PCLO: variants seen among roughly 807,000 people sequenced by gnomAD.
The protein encoded by PCLO is protein piccolo.
Under a neutral mutation model 427.5 loss-of-function variants are expected in PCLO, and 82 were observed. The observed-to-expected ratio is 0.19, with a 90% CI of 0.16 to 0.23. The LOEUF (loss-of-function observed/expected upper bound fraction) is 0.23. PCLO is among the 10% of genes least tolerant of loss of function. PCLO has a pLI of 1.00. For missense variants in PCLO, 6,239 were observed against 6,115.9 expected, an observed-to-expected ratio of 1.02 and a Z score of -0.67; for synonymous variants, 2,357 against 2,155.4, an observed-to-expected ratio of 1.09 and a Z score of -2.59.
intron 2 of PCLO, among the ~76,000 whole-genome samples, chr7:83,142,135 A>G (rs536336503): frequency 1.3e-4 from 20 of 152,224 alleles, no homozygotes; most frequent in Admixed American, 3.9e-4. Flanking sequence ...TCAACATAAT[A>G]TTCATAATAT....
At chr7:82,820,673 C>A in intron 20 of PCLO, 1 of 1,230,420 alleles carries the variant, frequency 8.1e-7, no homozygotes, top group Non-Finnish European at 1.0e-6. Context: ...TAAGAATTTT[C>A]AAAATCCACT....
chr7:83,127,516 G>A (rs1224066318), intron 3 of PCLO, among the ~76,000 whole-genome samples: 1 of 151,884 alleles, frequency 6.6e-6, no homozygotes, highest in Non-Finnish European at 1.5e-5. Flanking sequence ...ACTACTCTGT[G>A]GATTGTAATA....
In PCLO at chr7:82,915,120, G is replaced by C. The variant is rs929818004; in HGVS notation, c.12866C>G (p.Ser4289Cys). ...ADKPYSSGSR[S>C]RPSSRPSSVY... ...AGAGGAAGGTCTGGAGGAAGGTCTG[G>C]ACCTGCTGCCACTACTGTATGGCTT... Residue 4289 changes from serine (S) to cysteine (C), a missense_variant, in exon 7 of 25, where the codon TCC becomes TGC. Ser to Cys is a moderately radical substitution (Grantham distance 112). This residue lies in a region of PCLO where 680 missense variants were observed against 677.3 expected (regional missense o/e 1.00). Transcript: ENST00000333891. The C allele has an allele frequency of 1.9e-6, 3 of 1,590,200 alleles. No individual in the cohort carries two copies. The African/African-American group carries it at 4.0e-5, about 21-fold the overall frequency.
At chr7:83,040,218 TA>T (rs1274219021) in intron 3 of PCLO, among the ~76,000 whole-genome samples, 1 of 152,168 alleles carries the variant, frequency 6.6e-6, no homozygotes, top group East Asian at 1.9e-4. Flanking sequence ...ACTTAGTATT[TA>T]TTTGGCTACT....
At chr7:82,946,391 C>T (rs1402409298) in intron 6 of PCLO, among the ~76,000 whole-genome samples, 1 of 152,044 alleles carries the variant, frequency 6.6e-6, no homozygotes, top group Non-Finnish European at 1.5e-5. Context: ...TTATATTCTA[C>T]TGGAGAAGAA....
chr7:82,908,794 T>C lies in PCLO; in HGVS notation c.13437+83A>G, dbSNP rs1265168330. ...AATTAATAAACAAACATCTCATTCC[T>C]TTTAGGACAATTAAGACCATTCTAG... On this transcript the variant is annotated intron_variant, in intron 8 of 24. Coordinates refer to ENST00000333891, the MANE Select transcript of PCLO (RefSeq NM_033026.6). 3 of 1,204,696 alleles carry C rather than the reference T, an allele frequency of 2.5e-6. No individual in the cohort carries two copies. The East Asian group carries it at 7.1e-5, about 28-fold the overall frequency. The allele number at this position is 1,204,696 out of a possible 1,614,324, so 74.6% of individuals were successfully genotyped here.
chr7:83,025,784 A>C (rs1445279961), intron 3 of PCLO, among the ~76,000 whole-genome samples: 1 of 152,170 alleles, frequency 6.6e-6, no homozygotes, highest in Non-Finnish European at 1.5e-5. Flanking sequence ...GCCAGAAGAG[A>C]GTGGGGGCCA....
In PCLO at chr7:82,829,818, C is replaced by A. The variant is rs187615808; in HGVS notation, c.14250-1852G>T. Reference sequence around the variant, plus strand: ...AAGAACATTAATTGCAACATTATTTCAATAGTAAGCCAATAGAAGAACGAA... The same window carrying A: ...AAGAACATTAATTGCAACATTATTTAAATAGTAAGCCAATAGAAGAACGAA... On this transcript the variant is annotated intron_variant, in intron 16 of 24. Coordinates refer to ENST00000333891, the MANE Select transcript of PCLO (RefSeq NM_033026.6). Among the ~76,000 whole-genome samples the A allele has an allele frequency of 1.3e-3, 199 of 151,870 alleles. 1 individual carries two copies. Among genetic ancestry groups the A allele is most frequent in the African/African-American group, 4.6e-3 (192 of 41,438 alleles).
chr7:82,902,680 G>T lies in PCLO; in HGVS notation c.13499C>A (p.Thr4500Lys). ...YIFPHARIKITRDSKDHTVSG... is the reference protein window; with the variant it reads ...YIFPHARIKIKRDSKDHTVSG... ...AACTGTGTGATCCTTTGAGTCTCTT[G>T]TTATTTTTATCCTTGCGTGAGGAAA... is the stretch of plus-strand genomic sequence containing the variant. The change falls in exon 9 of 25, where the codon ACA becomes AAA. Residue 4500 changes from threonine to lysine, a missense_variant. By Grantham distance (78) the Thr-to-Lys change is moderately conservative. Transcript: ENST00000333891. 2 of 1,597,224 alleles carry T rather than the reference G, an allele frequency of 1.3e-6. No individual in the cohort carries two copies. Among genetic ancestry groups the T allele is most frequent in the Non-Finnish European group, 1.7e-6 (2 of 1,165,830 alleles).
At position 83,134,878 on chromosome 7, in the gene PCLO, G is replaced by A. The variant is rs2116616331; in HGVS notation, c.2672C>T (p.Thr891Ile). The A allele has an allele frequency of 1.2e-6, 2 of 1,605,328 alleles. No homozygotes were observed. Among genetic ancestry groups the A allele is most frequent in the Non-Finnish European group, 1.7e-6 (2 of 1,175,636 alleles). ...CTGAGGCTTTGGGGACTGTTGAGGT[G>A]TGGGGACAGTTTGGCCAGCGGTAGG... ...PRPTAGQTVPTPQQSPKPQEQ... is the reference protein window; with the variant it reads ...PRPTAGQTVPIPQQSPKPQEQ... The change falls in exon 3 of 25, where the codon ACA becomes ATA. Residue 891 changes from threonine to isoleucine, a missense_variant. Around this residue, in one of 5 missense-constraint regions of PCLO, gnomAD observed 4,677 missense variants for 4,468.4 expected, o/e 1.05. Coordinates refer to ENST00000333891, the MANE Select transcript of PCLO (RefSeq NM_033026.6).
chr7:83,021,443 G>A (rs1412155650), intron 3 of PCLO, among the ~76,000 whole-genome samples: 1 of 151,874 alleles, frequency 6.6e-6, no homozygotes, highest in Non-Finnish European at 1.5e-5. Context: ...TAAAGTTTAT[G>A]GTCCTCAGTT....
At position 82,761,509 on chromosome 7, in the gene PCLO, A is replaced by G; in HGVS notation, c.15008-16T>C. 1 of 1,574,854 alleles carries G rather than the reference A, an allele frequency of 6.3e-7. No individual in the cohort carries two copies. Among genetic ancestry groups the G allele is most frequent in the Non-Finnish European group, 8.6e-7 (1 of 1,156,106 alleles). On this transcript the variant is annotated splice_polypyrimidine_tract_variant and intron_variant, in intron 22 of 24. Coordinates refer to ENST00000333891, the MANE Select transcript of PCLO (RefSeq NM_033026.6). Reference sequence around the variant, plus strand: ...TGAGTTTTAGCTGGGAGAATTTAATAAAAATGCAAAGAAGTATGTAATGCC... The same window carrying G: ...TGAGTTTTAGCTGGGAGAATTTAATGAAAATGCAAAGAAGTATGTAATGCC...
At chr7:83,023,355 A>G (rs1372387691) in intron 3 of PCLO, among the ~76,000 whole-genome samples, 2 of 152,200 alleles carry the variant, frequency 1.3e-5, no homozygotes, top group Non-Finnish European at 2.9e-5. Context: ...CCCAGAAACA[A>G]TTCGAAATGA....
At chr7:82,932,332 G>T (rs545147254) in intron 6 of PCLO, among the ~76,000 whole-genome samples, 1 of 152,208 alleles carries the variant, frequency 6.6e-6, no homozygotes, top group East Asian at 1.9e-4. Flanking sequence ...TACAGTAATA[G>T]CAAAAGGTTT....
intron 3 of PCLO, among the ~76,000 whole-genome samples, chr7:83,059,925 A>C (rs1789501781): frequency 6.6e-6 from 1 of 152,204 alleles, no homozygotes; most frequent in South Asian, 2.1e-4. Context: ...GGTTAAGATG[A>C]CTGTAGCATT....
chr7:82,939,735 T>C lies in PCLO; in HGVS notation c.11112+9741A>G, dbSNP rs578151611. Among the ~76,000 whole-genome samples, 13 of 148,188 alleles carry C rather than the reference T, an allele frequency of 8.8e-5. No homozygotes were observed. In the Admixed American group the frequency reaches 8.8e-4, roughly 10 times the overall value. On this transcript the variant is annotated intron_variant, in intron 6 of 24. Transcript: ENST00000333891. ...TTATACATAAAATATATATTTTTAT[T>C]ATATATAAATATGTAAATATAAATA...
At chr7:82,767,074 C>T (rs887076548) in intron 22 of PCLO, among the ~76,000 whole-genome samples, 4 of 152,034 alleles carry the variant, frequency 2.6e-5, no homozygotes, top group African/African-American at 4.8e-5. Context: ...CAAAATCCTC[C>T]GTGTTTGCAG....
chr7:82,989,523 G>C (rs2107831), intron 3 of PCLO, among the ~76,000 whole-genome samples: 3 of 151,868 alleles, frequency 2.0e-5, no homozygotes, highest in Non-Finnish European at 4.4e-5. Flanking sequence ...TTACTCAAAT[G>C]AAATATGGCA....
intron 3 of PCLO, among the ~76,000 whole-genome samples, chr7:83,084,865 C>T (rs1790191283): frequency 6.6e-6 from 1 of 152,144 alleles, no homozygotes; most frequent in Admixed American, 6.5e-5. Flanking sequence ...GTTGACAACA[C>T]AGAGATTTAC....
Sources: gnomAD v4.1 joint callset for allele counts (sites outside exome capture counted in the v4.1 genomes callset) on GRCh38, gnomAD v4.1.1 for gene constraint, gnomAD v4.1.1 regional missense constraint, MANE v1.5 for transcripts, NCBI Gene and HGNC (gene_info 2026-07-23, HGNC 2026-07-21) for gene names.